Variants in PPME1 observed in about 807,000 individuals in gnomAD.
PPME1 encodes protein phosphatase methylesterase 1, also known as testicular secretory protein Li 39.
PPME1 carries 17 observed loss-of-function variants against 56.9 expected under a neutral mutation model. That is an observed-to-expected ratio of 0.30 (90% CI 0.20 to 0.45). The LOEUF (loss-of-function observed/expected upper bound fraction) is 0.45. Among genes scored for constraint, PPME1 ranks in the 20% least tolerant of loss-of-function variants. The pLI is 1.00. For missense variants in PPME1, 357 were observed against 483.2 expected (o/e 0.74, Z 2.45); for synonymous variants, 122 against 156.2 (o/e 0.78, Z 1.63).
intron 3 of PPME1, among the ~76,000 whole-genome samples, chr11:74,216,797 T>A (rs999425450): frequency 6.6e-6 from 1 of 152,140 alleles, no homozygotes; most frequent in Non-Finnish European, 1.5e-5. Flanking sequence ...ACATTGCACC[T>A]GATACTGCAG....
At position 74,172,009 on chromosome 11, in the gene PPME1, G is replaced by C. The variant is rs142862411; in HGVS notation, c.101+487G>C. Among the ~76,000 whole-genome samples, 658 of 152,254 alleles carry C rather than the reference G, an allele frequency of 4.3e-3. 3 individuals carry two copies. The highest frequency in any genetic ancestry group is 0.015 in the African/African-American group (635 of 41,546). Reference sequence around the variant, plus strand: ...CTAGATACTAGAAAAGCTGAGGGGGGTAGAAAACACTCGAGACAGGGCTGG... The same window carrying C: ...CTAGATACTAGAAAAGCTGAGGGGGCTAGAAAACACTCGAGACAGGGCTGG... On this transcript the variant is annotated intron_variant, in intron 1 of 13. Coordinates refer to ENST00000328257, the MANE Select transcript of PPME1 (RefSeq NM_016147.3).
chr11:74,182,209 G>A (rs1262713495), intron 1 of PPME1, among the ~76,000 whole-genome samples: 2 of 152,024 alleles, frequency 1.3e-5, no homozygotes, highest in African/African-American at 2.4e-5. Flanking sequence ...TTTTTTAAAT[G>A]TAGATAATAA....
chr11:74,228,216 A>G (rs1377061929), intron 5 of PPME1, among the ~76,000 whole-genome samples: 1 of 151,460 alleles, frequency 6.6e-6, no homozygotes, highest in African/African-American at 2.4e-5. Context: ...TGAGCATATA[A>G]TTTTTTCTGG....
chr11:74,246,768 T>C (rs1180828344), intron 10 of PPME1, among the ~76,000 whole-genome samples: 1 of 152,198 alleles, frequency 6.6e-6, no homozygotes, highest in African/African-American at 2.4e-5. Flanking sequence ...ATGACCTAAT[T>C]CTGGCCTGGC....
At chr11:74,237,732 G>C (rs939886603) in intron 8 of PPME1, 3 of 152,146 alleles carry the variant, frequency 2.0e-5, no homozygotes, top group Non-Finnish European at 4.4e-5. Flanking sequence ...AGTTTCCCAA[G>C]ATCACATAGC....
intron 8 of PPME1, among the ~76,000 whole-genome samples, chr11:74,237,342 C>A (rs1386184814): frequency 2.1e-5 from 3 of 145,998 alleles, no homozygotes; most frequent in East Asian, 4.0e-4. Flanking sequence ...GTGGCGCGAT[C>A]TCAGCTCACT....
chr11:74,172,894 A>C lies in PPME1; in HGVS notation c.101+1372A>C, dbSNP rs1417605113. 2.6e-5 allele frequency among the ~76,000 whole-genome samples: 4 copies of C among 152,316 alleles called. No individual in the cohort carries two copies. The South Asian group carries it at 6.2e-4, about 24-fold the overall frequency. On this transcript the variant is annotated intron_variant, in intron 1 of 13. Coordinates refer to ENST00000328257, the MANE Select transcript of PPME1 (RefSeq NM_016147.3). ...GAAGTAATATGTGTAAAAACTTATC[A>C]AAAAGGAGGCGAGAGTAGGAGATGC...
At chr11:74,181,169 C>G (rs546505680) in intron 1 of PPME1, among the ~76,000 whole-genome samples, 4 of 151,744 alleles carry the variant, frequency 2.6e-5, no homozygotes, top group African/African-American at 4.8e-5. Context: ...CTCAGCCTCC[C>G]GAGTAGCTGG....
chr11:74,242,673 G>A (rs1457721441), intron 9 of PPME1, among the ~76,000 whole-genome samples: 1 of 151,880 alleles, frequency 6.6e-6, no homozygotes, highest in Non-Finnish European at 1.5e-5. Flanking sequence ...GAGGTCAGGA[G>A]ATTGAGACCA....
chr11:74,245,133 GTTC>G (rs957264320), intron 9 of PPME1, among the ~76,000 whole-genome samples: 9 of 151,572 alleles, frequency 5.9e-5, no homozygotes, highest in South Asian at 2.1e-4. Flanking sequence ...CTCCAATTTT[GTTC>G]TTCTTCAAAA....
At chr11:74,203,228 G>A (rs867391406) in intron 1 of PPME1, among the ~76,000 whole-genome samples, 13 of 152,218 alleles carry the variant, frequency 8.5e-5, no homozygotes, top group African/African-American at 7.2e-5. Context: ...TTCCATGGAG[G>A]TTGTATATTG....
At chr11:74,175,093 T>C (rs376112628) in intron 1 of PPME1, among the ~76,000 whole-genome samples, 7 of 152,352 alleles carry the variant, frequency 4.6e-5, no homozygotes, top group Non-Finnish European at 1.0e-4. Context: ...GCACCCCTGG[T>C]GTGCTTGAGA....
intron 1 of PPME1, among the ~76,000 whole-genome samples, chr11:74,193,315 C>T (rs151317855): frequency 2.6e-4 from 39 of 152,334 alleles, no homozygotes; most frequent in Admixed American, 1.6e-3. Context: ...GTTCAGTTTA[C>T]ACAAACTTTG....
In PPME1 at chr11:74,171,303, G is replaced by A. The variant is rs762457862; in HGVS notation, c.-119G>A. On this transcript the variant is annotated 5_prime_UTR_variant, in exon 1 of 14. Transcript: ENST00000328257. ...CGGTAGGCGGTGCTACGGGTAGCTG[G>A]GTGCTGTCCAAAGGCGACAGGGCGT... The A allele has an allele frequency of 3.0e-5, 46 of 1,508,414 alleles. No individual in the cohort carries two copies. The highest frequency in any genetic ancestry group is 3.5e-4 in the Middle Eastern group (2 of 5,716). 93.4% of individuals were successfully genotyped at this position (1,508,414 alleles called of 1,614,324 possible). A position where few individuals can be genotyped will look rare whatever the true frequency, so the allele number is the denominator to read the frequency against.
intron 1 of PPME1, among the ~76,000 whole-genome samples, chr11:74,182,423 G>A (rs1226375582): frequency 6.6e-6 from 1 of 151,560 alleles, no homozygotes; most frequent in African/African-American, 2.4e-5. Flanking sequence ...GCAGTGGCAT[G>A]ATCTCGGTTC....
chr11:74,239,441 A>G (rs544141317), intron 9 of PPME1, among the ~76,000 whole-genome samples, 185 bp downstream of exon 9: 24 of 152,288 alleles, frequency 1.6e-4, no homozygotes, highest in Admixed American at 6.5e-4. Flanking sequence ...GCTCTGACCA[A>G]TTGGAACATA....
At chr11:74,218,768 C>CA (rs1565387511) in intron 3 of PPME1, among the ~76,000 whole-genome samples, 1 of 151,796 alleles carries the variant, frequency 6.6e-6, no homozygotes, top group Non-Finnish European at 1.5e-5. Flanking sequence ...ATTAAAGACT[C>CA]AAACTATGAA....
chr11:74,225,448 G>A (rs553377162), intron 5 of PPME1, among the ~76,000 whole-genome samples, 192 bp downstream of exon 5: 2 of 152,058 alleles, frequency 1.3e-5, no homozygotes, highest in East Asian at 3.9e-4. Flanking sequence ...CGTCTTTCTT[G>A]GTGTGTCCAA....
intron 3 of PPME1, among the ~76,000 whole-genome samples, chr11:74,211,809 TAAG>T (rs1565385105): frequency 6.6e-6 from 1 of 152,146 alleles, no homozygotes; most frequent in African/African-American, 2.4e-5. Context: ...GGGCAAGAGA[TAAG>T]AAGTGTTAGT....
Sources: allele counts gnomAD v4.1 joint callset (sites outside exome capture counted in the v4.1 genomes callset), GRCh38; gene constraint gnomAD v4.1.1; transcripts MANE v1.5; gene names NCBI Gene and HGNC (gene_info 2026-07-23, HGNC 2026-07-21).